The following MAP2 variants were observed in gnomAD, a reference collection of about 807,000 sequenced individuals.
MAP2 encodes the protein microtubule associated protein 2.
A neutral mutation model predicts 137.6 loss-of-function variants in MAP2; 14 were observed. That is an observed-to-expected ratio of 0.10 (90% CI 0.07 to 0.16). The LOEUF (loss-of-function observed/expected upper bound fraction) is 0.16. Ranked by LOEUF, MAP2 falls within the 10% of genes least tolerant of loss-of-function variation. The probability of loss-of-function intolerance (pLI) is 1.00; values close to 1 mark genes in which losing one functional copy is unlikely to be tolerated. For missense variants in MAP2, 2,088 were observed against 2,191.5 expected (o/e 0.95, Z 0.94); for synonymous variants, 786 against 782.3 (o/e 1.00, Z -0.08).
intron 2 of MAP2, among the ~76,000 whole-genome samples, chr2:209,528,801 T>C (rs1169651532): frequency 1.3e-5 from 2 of 151,452 alleles, no homozygotes; most frequent in East Asian, 1.9e-4. Context: ...TATGTACATG[T>C]ACATATGTAT....
At chr2:209,560,649 G>A (rs1489028366) in intron 2 of MAP2, among the ~76,000 whole-genome samples, 1 of 151,844 alleles carries the variant, frequency 6.6e-6, no homozygotes, top group African/African-American at 2.4e-5. Flanking sequence ...CCTTGCCAAT[G>A]TTTATATTTT....
At chr2:209,587,102 A>G (rs961379747) in intron 3 of MAP2, among the ~76,000 whole-genome samples, 1 of 152,132 alleles carries the variant, frequency 6.6e-6, no homozygotes, top group African/African-American at 2.4e-5. Context: ...GTGGTTCTAT[A>G]TAACCCTGTG....
intron 1 of MAP2, among the ~76,000 whole-genome samples, chr2:209,466,142 T>C (rs1704074314): frequency 6.6e-6 from 1 of 152,160 alleles, no homozygotes; most frequent in Admixed American, 6.5e-5. Context: ...TCATAAACTA[T>C]TGGTTTGTCT....
At chr2:209,544,834 A>T (rs2067726621) in intron 2 of MAP2, among the ~76,000 whole-genome samples, 1 of 152,160 alleles carries the variant, frequency 6.6e-6, no homozygotes. Flanking sequence ...GTTGGAATAG[A>T]TATTATGTGC....
chr2:209,610,624 C>T (rs1366257428), intron 3 of MAP2, among the ~76,000 whole-genome samples: 1 of 152,062 alleles, frequency 6.6e-6, no homozygotes, highest in Non-Finnish European at 1.5e-5. Flanking sequence ...ACAGGATAAA[C>T]AGCCTCCTTA....
chr2:209,623,553 C>A (rs1459822603), intron 3 of MAP2, among the ~76,000 whole-genome samples: 2 of 152,082 alleles, frequency 1.3e-5, no homozygotes, highest in African/African-American at 4.8e-5. Flanking sequence ...TTGTTAAGTA[C>A]ACAAAGACTC....
chr2:209,462,615 A>G (rs959917656), intron 1 of MAP2, among the ~76,000 whole-genome samples: 4 of 152,174 alleles, frequency 2.6e-5, no homozygotes, highest in Admixed American at 6.5e-5. Flanking sequence ...AGACCGCACC[A>G]TGCTCTTACT....
At chr2:209,700,833 A>G (rs960169831) in intron 11 of MAP2, among the ~76,000 whole-genome samples, 1 of 152,158 alleles carries the variant, frequency 6.6e-6, no homozygotes, top group Non-Finnish European at 1.5e-5. Context: ...TTTTTTCTAT[A>G]CATTTATAGG....
rs146899695 is a variant in MAP2, at chr2:209,648,242, C to T, written c.-29-4900C>T. ...TCAGCCTCCCAAGTAGCTGGAACTA[C>T]AGGCACACACCACCACACCCAGCTA... On this transcript the variant is annotated intron_variant, in intron 4 of 15. Coordinates refer to ENST00000682079, the MANE Select transcript of MAP2 (RefSeq NM_001375505.1). Among the ~76,000 whole-genome samples the T allele has an allele frequency of 9.2e-3, 1,400 of 152,030 alleles. 17 individuals are homozygous for T. Among genetic ancestry groups the T allele is most frequent in the Non-Finnish European group, 0.012 (823 of 67,976 alleles).
At chr2:209,567,898 A>G (rs1310625690) in intron 2 of MAP2, among the ~76,000 whole-genome samples, 1 of 152,070 alleles carries the variant, frequency 6.6e-6, no homozygotes, top group African/African-American at 2.4e-5. Flanking sequence ...AAGTTTTAGT[A>G]GAAATAGAAA....
At chr2:209,448,848 C>T (rs968596595) in intron 1 of MAP2, among the ~76,000 whole-genome samples, 1 of 152,110 alleles carries the variant, frequency 6.6e-6, no homozygotes, top group African/African-American at 2.4e-5. Flanking sequence ...AATAAGGTAA[C>T]GTTCATGGGT....
At chr2:209,650,465 C>G (rs2094712726) in intron 4 of MAP2, among the ~76,000 whole-genome samples, 1 of 152,036 alleles carries the variant, frequency 6.6e-6, no homozygotes, top group Non-Finnish European at 1.5e-5. Context: ...TTAAACTAAT[C>G]ATTACAAAAA....
chr2:209,719,871 T>C (rs1319540795), intron 13 of MAP2, among the ~76,000 whole-genome samples: 1 of 152,222 alleles, frequency 6.6e-6, no homozygotes, highest in Non-Finnish European at 1.5e-5. Flanking sequence ...AGCCAACTAT[T>C]TGTGCAAATA....
intron 1 of MAP2, among the ~76,000 whole-genome samples, chr2:209,468,310 A>G (rs1391720520): frequency 5.0e-5 from 6 of 120,940 alleles, no homozygotes; most frequent in African/African-American, 1.5e-4. Flanking sequence ...TTTTCAGTTT[A>G]GTGTTTCTTT....
At chr2:209,467,928 T>C (rs1030794171) in intron 1 of MAP2, among the ~76,000 whole-genome samples, 12 of 152,198 alleles carry the variant, frequency 7.9e-5, no homozygotes, top group African/African-American at 2.9e-4. Context: ...GCCTAGCTCA[T>C]ATGAAGTGCT....
intron 2 of MAP2, among the ~76,000 whole-genome samples, chr2:209,519,766 A>AT (rs1411291316): frequency 6.6e-6 from 1 of 151,860 alleles, no homozygotes; most frequent in Non-Finnish European, 1.5e-5. Context: ...GTCAGTGGAT[A>AT]TTTTGGGTTA....
rs186521660 is a variant in MAP2, at chr2:209,723,770, C to G, written c.5074-1939C>G. ...CAGCACCCTGCCTTCTTTCCCACCT[C>G]TTTCCAACACACTGCTCCTTTCTCA... is the stretch of plus-strand genomic sequence containing the variant. On this transcript the variant is annotated intron_variant, in intron 13 of 15. Coordinates refer to ENST00000682079, the MANE Select transcript of MAP2 (RefSeq NM_001375505.1). 53 of 860,968 alleles carry G rather than the reference C, an allele frequency of 6.2e-5. No individual in the cohort carries two copies. In the East Asian group the frequency reaches 1.3e-3, roughly 21 times the overall value. 53.3% of individuals were successfully genotyped at this position (860,968 alleles called of 1,614,324 possible). A position where few individuals can be genotyped will look rare whatever the true frequency, so the allele number is the denominator to read the frequency against.
intron 2 of MAP2, among the ~76,000 whole-genome samples, chr2:209,563,533 C>T (rs1038001892): frequency 6.6e-6 from 1 of 151,990 alleles, no homozygotes; most frequent in Non-Finnish European, 1.5e-5. Context: ...ACACCTGCAT[C>T]GCCACCAGCT....
chr2:209,440,926 A>G (rs1697598598), intron 1 of MAP2, among the ~76,000 whole-genome samples: 1 of 151,560 alleles, frequency 6.6e-6, no homozygotes, highest in Non-Finnish European at 1.5e-5. Flanking sequence ...TAAACAGACT[A>G]TAAATAAGTG....
Sources: gnomAD v4.1 joint callset for allele counts (sites outside exome capture counted in the v4.1 genomes callset) on GRCh38, gnomAD v4.1.1 for gene constraint, MANE v1.5 for transcripts, NCBI Gene and HGNC (gene_info 2026-07-23, HGNC 2026-07-21) for gene names.